GRIN2D: variants seen among roughly 807,000 people sequenced by gnomAD.
GRIN2D encodes glutamate ionotropic receptor NMDA type subunit 2D.
Under a neutral mutation model 103.2 loss-of-function variants are expected in GRIN2D, and 37 were observed. The observed-to-expected ratio is 0.36, with a 90% CI of 0.28 to 0.47. GRIN2D has a LOEUF of 0.47. Ranked by LOEUF, GRIN2D falls within the 20% of genes least tolerant of loss-of-function variation. The pLI is 1.00. For synonymous variants in GRIN2D, 845 were observed against 885.6 expected (o/e 0.95, Z 0.81); for missense variants, 1,557 against 1,910.6 (o/e 0.81, Z 3.45).
chr19:48,400,853 G>A (rs983362410), intron 3 of GRIN2D, among the ~76,000 whole-genome samples: 1 of 152,114 alleles, frequency 6.6e-6, no homozygotes, highest in African/African-American at 2.4e-5. Flanking sequence ...ATCACCTGAG[G>A]CCAGGAGTTT....
At chr19:48,401,226 T>C (rs1469857680) in intron 3 of GRIN2D, among the ~76,000 whole-genome samples, 1 of 151,718 alleles carries the variant, frequency 6.6e-6, no homozygotes, top group Non-Finnish European at 1.5e-5. Flanking sequence ...GTGCCAGGGC[T>C]GTTTTAATTC....
At chr19:48,410,860 C>G (rs930411858) in intron 4 of GRIN2D, among the ~76,000 whole-genome samples, 1 of 151,876 alleles carries the variant, frequency 6.6e-6, no homozygotes, top group African/African-American at 2.4e-5. Context: ...GGCTGGGTAG[C>G]GGGAGGGAGG....
Position 48,407,262 on chromosome 19 carries a change from C to T in GRIN2D, c.1085+1909C>T, listed in dbSNP as rs139804495. Among the ~76,000 whole-genome samples, 561 of 152,160 alleles carry T rather than the reference C, an allele frequency of 3.7e-3. 3 individuals are homozygous for T. Among genetic ancestry groups the T allele is most frequent in the Non-Finnish European group, 5.1e-3 (349 of 68,004 alleles). ...TGCTGGGATTCCAGCCGTGAGCCAC[C>T]GAGCCCAGCTGGTTCTGTCTTTCTT... is the stretch of plus-strand genomic sequence containing the variant. On this transcript the variant is annotated intron_variant, in intron 4 of 13. Coordinates refer to ENST00000263269, the MANE Select transcript of GRIN2D (RefSeq NM_000836.4).
chr19:48,431,910 TTTC>T (rs1971162107), intron 11 of GRIN2D, among the ~76,000 whole-genome samples: 1 of 124,392 alleles, frequency 8.0e-6, no homozygotes, highest in Admixed American at 7.8e-5. Context: ...TCTTTTATCT[TTTC>T]TTTATTTTTT....
Position 48,442,825 on chromosome 19 carries a change from C to A in GRIN2D, c.2899C>A (p.Pro967Thr). 9.3e-7 allele frequency: 1 copy of A among 1,079,728 alleles called. No homozygotes were observed. The highest frequency in any genetic ancestry group is 1.1e-6 in the Non-Finnish European group (1 of 891,854). The allele number at this position is 1,079,728 out of a possible 1,614,324, so 66.9% of individuals were successfully genotyped here. The change falls in exon 14 of 14, where the codon CCC (proline) becomes ACC (threonine). Residue 967 changes from proline to threonine, a missense_variant. Physicochemically the swap from Pro to Thr is conservative, Grantham distance 38. Around this residue, in one of 7 missense-constraint regions of GRIN2D, gnomAD observed 632 missense variants for 572.8 expected, o/e 1.10. Transcript: ENST00000263269. This position sits in a 1 kb window ranked among gnomAD's most constrained non-coding sequence, Gnocchi z 7.2. The part of the protein sequence containing the change: ...LADGFHRYYG[P>T]IEPQGLGLGL... ...CGACGGCTTCCACCGCTACTACGGC[C>A]CCATCGAGCCGCAGGGCCTAGGCCT...
intron 11 of GRIN2D, among the ~76,000 whole-genome samples, chr19:48,436,171 T>C (rs1001984088): frequency 3.9e-5 from 6 of 152,180 alleles, no homozygotes; most frequent in African/African-American, 1.4e-4. Flanking sequence ...CGGAGTTTTA[T>C]TATCACTCAC....
intron 3 of GRIN2D, among the ~76,000 whole-genome samples, chr19:48,402,652 G>A (rs1240318572): frequency 7.0e-6 from 1 of 143,618 alleles, no homozygotes; most frequent in East Asian, 2.1e-4. Context: ...GGGAAGCGGA[G>A]CTTTCAGTGA....
intron 4 of GRIN2D, among the ~76,000 whole-genome samples, chr19:48,408,300 C>T (rs542650160): frequency 6.8e-5 from 10 of 148,126 alleles, no homozygotes; most frequent in Non-Finnish European, 1.2e-4. Context: ...AGCCACTGCA[C>T]TCCAGCCTGG....
At chr19:48,432,793 C>A (rs1347094397) in intron 11 of GRIN2D, among the ~76,000 whole-genome samples, 3 of 143,974 alleles carry the variant, frequency 2.1e-5, no homozygotes, top group Non-Finnish European at 4.6e-5. Flanking sequence ...TTTTTTATTT[C>A]ATTTTGCTTT....
At chr19:48,434,572 T>A (rs187459304) in intron 11 of GRIN2D, among the ~76,000 whole-genome samples, 182 of 152,052 alleles carry the variant, frequency 1.2e-3, no homozygotes, top group African/African-American at 4.1e-3. Flanking sequence ...TCTTTTCTTT[T>A]CTTTCGAACT....
intron 3 of GRIN2D, among the ~76,000 whole-genome samples, chr19:48,404,212 T>C (rs276722): frequency 0.22 from 32,878 of 146,488 alleles, 3,806 homozygotes; most frequent in South Asian, 0.32. Flanking sequence ...TGCACTCCAG[T>C]CTGGGCAACA....
chr19:48,407,060 C>T lies in GRIN2D; in HGVS notation c.1085+1707C>T, dbSNP rs143895925. Among the ~76,000 whole-genome samples the T allele has an allele frequency of 2.9e-4, 44 of 151,892 alleles. No homozygotes were observed. In the East Asian group the frequency reaches 8.3e-3, roughly 29 times the overall value. The stretch of plus-strand genomic sequence containing the variant: ...TGGCGTGATCTGGGCTCACTGCAAC[C>T]TCCACCTCCTGAGTTCAAGCGATTC... On this transcript the variant is annotated intron_variant, in intron 4 of 13. Coordinates refer to ENST00000263269, the MANE Select transcript of GRIN2D (RefSeq NM_000836.4).
intron 11 of GRIN2D, among the ~76,000 whole-genome samples, chr19:48,430,927 CTCA>C (rs1971148680): frequency 6.7e-6 from 1 of 150,272 alleles, no homozygotes; most frequent in South Asian, 2.1e-4. Context: ...TCAAGCGATT[CTCA>C]TGCCTCAGCC....
rs1692459262 is a variant in GRIN2D at position 48,419,435 on chromosome 19, C to T, written c.1861+76C>T. 3 of 1,530,468 alleles carry T rather than the reference C, an allele frequency of 2.0e-6. No homozygotes were observed. In the African/African-American group the frequency reaches 4.2e-5, roughly 21 times the overall value. 94.8% of individuals were successfully genotyped at this position (1,530,468 alleles called of 1,614,324 possible). A position where few individuals can be genotyped will look rare whatever the true frequency, so the allele number is the denominator to read the frequency against. ...ACAGAGAACTACATTTCCCAGCAGCCCCTGGAGGGGGGGCGGTCAAGCTAG... is the reference window on the plus strand; with the variant it reads ...ACAGAGAACTACATTTCCCAGCAGCTCCTGGAGGGGGGGCGGTCAAGCTAG... On this transcript the variant is annotated intron_variant, in intron 9 of 13. Coordinates refer to ENST00000263269, the MANE Select transcript of GRIN2D (RefSeq NM_000836.4).
rs1319217953 is a variant in GRIN2D at position 48,421,365 on chromosome 19, T to C, written c.2092-420T>C. ...ATCAGTTGAACCTGGGAGGCGGAGG[T>C]TGCAGTGAGCTGACAGTGTGCCATT... On this transcript the variant is annotated intron_variant, in intron 10 of 13. Transcript: ENST00000263269. The surrounding 1 kb of genome is among the most constrained non-coding windows in gnomAD (Gnocchi z 4.8). Among the ~76,000 whole-genome samples the C allele has an allele frequency of 6.6e-6, 1 of 151,510 alleles. No homozygotes were observed. The highest frequency in any genetic ancestry group is 1.5e-5 in the Non-Finnish European group (1 of 67,910).
Position 48,441,378 on chromosome 19 carries a change from A to AG in GRIN2D, c.2253-391_2253-390insG, listed in dbSNP as rs1569074042. Among the ~76,000 whole-genome samples, 30 of 151,292 alleles carry AG rather than the reference A, an allele frequency of 2.0e-4. No homozygotes were observed. The South Asian group carries it at 5.5e-3, about 28-fold the overall frequency. ...ACTCTGTCTCAAAAAAAAAAAAAAA[A>AG]AAAAAAAGAAAGAAAAAGTCACAGT... On this transcript the variant is annotated intron_variant, in intron 11 of 13. Transcript: ENST00000263269.
intron 4 of GRIN2D, among the ~76,000 whole-genome samples, chr19:48,412,947 C>A (rs1970893967): frequency 7.0e-6 from 1 of 143,080 alleles, no homozygotes; most frequent in South Asian, 2.2e-4. Context: ...ACCAGTCTGG[C>A]CAACATGGTG....
chr19:48,427,483 T>C (rs890587258), intron 11 of GRIN2D, among the ~76,000 whole-genome samples: 36 of 132,302 alleles, frequency 2.7e-4, no homozygotes, highest in Admixed American at 7.3e-4. Context: ...TTTTTTTTTT[T>C]TTTTTTTTTT....
chr19:48,431,945 G>A (rs1205807084), intron 11 of GRIN2D, among the ~76,000 whole-genome samples: 1 of 150,438 alleles, frequency 6.6e-6, no homozygotes, highest in Admixed American at 6.7e-5. Flanking sequence ...ACAGAGTCTT[G>A]CTCTGTCACC....
Sources: gnomAD v4.1 joint callset for allele counts (sites outside exome capture counted in the v4.1 genomes callset) on GRCh38, gnomAD v4.1.1 for gene constraint, gnomAD v4.1.1 regional missense constraint, Gnocchi (gnomAD v3.1) non-coding constraint, MANE v1.5 for transcripts, NCBI Gene and HGNC (gene_info 2026-07-23, HGNC 2026-07-21) for gene names.